The following FLII variants were observed in gnomAD, a reference collection of about 807,000 sequenced individuals.
The protein encoded by FLII is protein flightless-1 homolog.
In FLII, 101 loss-of-function variants were observed where a neutral mutation model predicts 156.2. That is an observed-to-expected ratio of 0.65 (90% confidence interval 0.55 to 0.76). The LOEUF (loss-of-function observed/expected upper bound fraction) is 0.76. FLII is among the 30% of genes least tolerant of loss of function. FLII has a pLI of 0.00. For synonymous variants in FLII, 767 were observed against 685.8 expected (o/e 1.12, Z -1.85); for missense variants, 1,675 against 1,682.8 (o/e 1.00, Z 0.08).
chr17:18,247,577 G>A (rs958397686), intron 20 of FLII, 80 bp downstream of exon 20: 1 of 1,321,488 alleles, frequency 7.6e-7, no homozygotes, highest in African/African-American at 1.5e-5. Flanking sequence ...GCTCTGTAGG[G>A]AGGTAGTGAA....
chr17:18,258,627 C>G lies in FLII; in HGVS notation c.63+1G>C. 1 of 1,558,748 alleles carries G rather than the reference C, an allele frequency of 6.4e-7. No individual in the cohort carries two copies. Among genetic ancestry groups the G allele is most frequent in the Non-Finnish European group, 8.6e-7 (1 of 1,162,322 alleles). On this transcript the variant is annotated splice_donor_variant, in intron 1 of 29. Coordinates refer to ENST00000327031, the MANE Select transcript of FLII (RefSeq NM_002018.4). LOFTEE classifies it high-confidence loss of function. The surrounding 1 kb of genome is among the most constrained non-coding windows in gnomAD (Gnocchi z 4.2). ...CCCGGCACGCGCCCGGCCCGGCTCA[C>G]CTTGAAGTCGTTGCCGCTGAGGTCC...
intron 12 of FLII, 55 bp downstream of exon 12, chr17:18,251,625 G>T: frequency 6.2e-7 from 1 of 1,610,266 alleles, no homozygotes; most frequent in Non-Finnish European, 8.5e-7. Flanking sequence ...GGCCAGGGTC[G>T]GCCTTCAGCA....
At chr17:18,248,071 G>A (rs1567708835) in intron 18 of FLII, 38 bp from the exon 19 acceptor site, 3 of 1,471,818 alleles carry the variant, frequency 2.0e-6, no homozygotes, top group East Asian at 2.3e-5. Flanking sequence ...AAGGGATCTG[G>A]AGACAGGAAC....
chr17:18,249,050 A>AGAG, intron 16 of FLII, 77 bp downstream of exon 16: 1 of 1,428,816 alleles, frequency 7.0e-7, no homozygotes, highest in Non-Finnish European at 9.8e-7. Flanking sequence ...TCCTCTTCTA[A>AGAG]GAGGCCCACA....
Position 18,246,777 on chromosome 17 carries a change from CTCCTTGTCT to C in FLII, c.2859_2867del (p.Asp954_Glu956del), listed in dbSNP as rs2048074873. On this transcript the variant is annotated inframe_deletion, in exon 23 of 30. Coordinates refer to ENST00000327031, the MANE Select transcript of FLII (RefSeq NM_002018.4). ...CGCCTTCTTTGCCCTCGGCCTTCTCCTCCTTGTCTTCCTTCTTTTCCTCCTCCTCGTACT... is the reference window on the plus strand; with the variant it reads ...CGCCTTCTTTGCCCTCGGCCTTCTCCTCCTTCTTTTCCTCCTCCTCGTACT... The C allele has an allele frequency of 6.2e-7, 1 of 1,611,924 alleles. No homozygotes were observed. Among genetic ancestry groups the C allele is most frequent in the Non-Finnish European group, 8.5e-7 (1 of 1,178,880 alleles).
Position 18,246,574 on chromosome 17 carries a change from C to T in FLII, c.3051+20G>A. 2.5e-6 allele frequency: 4 copies of T among 1,613,138 alleles called. No individual in the cohort carries two copies. Among genetic ancestry groups the T allele is most frequent in the Non-Finnish European group, 3.4e-6 (4 of 1,179,446 alleles). ...ACACCCCTCCGCCTGGCCTCGGGCT[C>T]GCGGGGCTGCCAGGCACACCTCCAG... On this transcript the variant is annotated intron_variant, in intron 23 of 29. Transcript: ENST00000327031.
At position 18,258,719 on chromosome 17, in the gene FLII, G is replaced by A; in HGVS notation, c.-29C>T. 1.4e-6 allele frequency: 2 copies of A among 1,405,472 alleles called. No individual in the cohort carries two copies. The highest frequency in any genetic ancestry group is 1.5e-5 in the South Asian group (1 of 66,498). The allele number at this position is 1,405,472 out of a possible 1,614,324, so 87.1% of individuals were successfully genotyped here. ...GCCGCTCTCGCTGCCGGGCCGCGCC[G>A]GGCTAGGGAGCGCCGGGGCGAGGGC... On this transcript the variant is annotated 5_prime_UTR_variant, in exon 1 of 30. Transcript: ENST00000327031. This position sits in a 1 kb window ranked among gnomAD's most constrained non-coding sequence, Gnocchi z 4.2.
chr17:18,246,782 T>G lies in FLII; in HGVS notation c.2863A>C (p.Lys955Gln), dbSNP rs760471288. The G allele has an allele frequency of 1.2e-6, 2 of 1,613,720 alleles. No homozygotes were observed. Among genetic ancestry groups the G allele is most frequent in the Admixed American group, 3.3e-5 (2 of 59,952 alleles). ...TCTTTGCCCTCGGCCTTCTCCTCCT[T>G]GTCTTCCTTCTTTTCCTCCTCCTCG... ...EYEEEEKKED[K>Q]EEKAEGKEGE... Residue 955 changes from lysine (K) to glutamine (Q), a missense_variant, in exon 23 of 30, where the codon AAG (lysine) becomes CAG (glutamine). Transcript: ENST00000327031.
At chr17:18,252,431 G>T in intron 10 of FLII, 41 bp downstream of exon 10, 1 of 1,580,526 alleles carries the variant, frequency 6.3e-7, no homozygotes. Flanking sequence ...CACACCCCTT[G>T]CTTGTCTCTC....
At chr17:18,258,744 C>G, upstream of FLII, 1 of 1,261,010 alleles carries the variant, frequency 7.9e-7, no homozygotes, top group African/African-American at 1.6e-5. This position sits in a 1 kb window ranked among gnomAD's most constrained non-coding sequence, Gnocchi z 4.2. Context: ...GGGGCGAGGG[C>G]GCTGGGGGGA....
At chr17:18,255,789 C>CA (rs1488224084) in intron 3 of FLII, among the ~76,000 whole-genome samples, 2 of 152,260 alleles carry the variant, frequency 1.3e-5, no homozygotes, top group Admixed American at 1.3e-4. Context: ...GCCACTTCTC[C>CA]AGTCTGAATG....
chr17:18,253,764 G>C, intron 7 of FLII, 45 bp from the exon 8 acceptor site: 1 of 1,530,038 alleles, frequency 6.5e-7, no homozygotes, highest in Non-Finnish European at 8.8e-7. Flanking sequence ...CATACACCAG[G>C]TGCCAGGGCA....
In FLII at chr17:18,245,599, C is replaced by A; in HGVS notation, c.3565G>T (p.Asp1189Tyr). Reference sequence around the variant, plus strand: ...AACATGATGTCATCATCTGCCAGGTCATCTTGGCAAAAGTCGGAGCATTTC... The same window carrying A: ...AACATGATGTCATCATCTGCCAGGTAATCTTGGCAAAAGTCGGAGCATTTC... Reference protein sequence around the residue: ...TEKCSDFCQDDLADDDIMLLD... With the variant: ...TEKCSDFCQDYLADDDIMLLD... Residue 1189 changes from aspartate to tyrosine, a missense_variant, in exon 28 of 30, where the codon GAC becomes TAC. Coordinates refer to ENST00000327031, the MANE Select transcript of FLII (RefSeq NM_002018.4). The A allele has an allele frequency of 1.9e-6, 3 of 1,613,944 alleles. No individual in the cohort carries two copies. In the South Asian group the frequency reaches 3.3e-5, roughly 18 times the overall value.
In FLII at chr17:18,247,229, C is replaced by T. The variant is rs1465416259; in HGVS notation, c.2616G>A (p.Gln872=). Residue 872 remains glutamine, a synonymous_variant, in exon 21 of 30, where the codon CAG becomes CAA. Transcript: ENST00000327031. ...AAAGCGCAGTGAGGTCAGCCTTCAT[C>T]TGGTCTTTCTTCTCGGCGTCGCGTT... ...KVKRDAEKKD[Q]MKADLTALFL... 2 of 1,601,910 alleles carry T rather than the reference C, an allele frequency of 1.2e-6. No individual in the cohort carries two copies.
rs759039450 is a variant in FLII at position 18,245,825 on chromosome 17, T to C, written c.3422A>G (p.Glu1141Gly). 1 of 1,613,944 alleles carries C rather than the reference T, an allele frequency of 6.2e-7. No homozygotes were observed. The highest frequency in any genetic ancestry group is 8.5e-7 in the Non-Finnish European group (1 of 1,179,974). Residue 1141 changes from glutamate (E) to glycine (G), a missense_variant, in exon 27 of 30, where the codon GAG becomes GGG. This residue lies in a region of FLII where 1,332 missense variants were observed against 1,269.3 expected (regional missense o/e 1.05). Transcript: ENST00000327031. ...KQVINEGEEPENFFWVGIGAQ... is the reference protein window; with the variant it reads ...KQVINEGEEPGNFFWVGIGAQ... Reference sequence around the variant, plus strand: ...CCCAATGCCCACCCAGAAGAAGTTCTCAGGCTCCTCACCTTCGTTGATAAC... The same window carrying C: ...CCCAATGCCCACCCAGAAGAAGTTCCCAGGCTCCTCACCTTCGTTGATAAC...
Position 18,252,145 on chromosome 17 carries a change from A to G in FLII, c.1100T>C (p.Val367Ala). 1 of 1,612,970 alleles carries G rather than the reference A, an allele frequency of 6.2e-7. No individual in the cohort carries two copies. The highest frequency in any genetic ancestry group is 8.5e-7 in the Non-Finnish European group (1 of 1,179,894). Reference protein sequence around the residue: ...EAIHFLTEIEVLDVRENPNLV... With the variant: ...EAIHFLTEIEALDVRENPNLV... ...GTTGGGGTTCTCCCGCACATCCAGG[A>G]CCTGCCCCATAGGGTGAGCAGAGCC... The change falls in exon 11 of 30, where the codon GTC becomes GCC. Residue 367 changes from valine (V) to alanine (A), a missense_variant and splice_region_variant. By Grantham distance (64) the Val-to-Ala change is moderately conservative. Around this residue, in one of 2 missense-constraint regions of FLII, gnomAD observed 1,332 missense variants for 1,269.3 expected, o/e 1.05. Transcript: ENST00000327031.
At chr17:18,255,739 C>T (rs550369925) in intron 3 of FLII, among the ~76,000 whole-genome samples, 1 of 152,262 alleles carries the variant, frequency 6.6e-6, no homozygotes, top group South Asian at 2.1e-4. Context: ...AGAATGGTGT[C>T]GTGACTCCAA....
chr17:18,249,361 G>C lies in FLII; in HGVS notation c.1824C>G (p.Gly608=). The C allele has an allele frequency of 6.2e-7, 1 of 1,614,116 alleles. No individual in the cohort carries two copies. Among genetic ancestry groups the C allele is most frequent in the South Asian group, 1.1e-5 (1 of 91,078 alleles). Residue 608 remains glycine (G), a synonymous_variant, in exon 15 of 30, where the codon GGC becomes GGG. Coordinates refer to ENST00000327031, the MANE Select transcript of FLII (RefSeq NM_002018.4). The part of the protein sequence containing the change: ...ISYIEGGTAS[G]FYTVEDTHYV... ...AGTGTGTGTCTTCCACAGTGTAGAAGCCACTGGCTGTTCCACCCTCAATGT... is the reference window on the plus strand; with the variant it reads ...AGTGTGTGTCTTCCACAGTGTAGAACCCACTGGCTGTTCCACCCTCAATGT...
At chr17:18,249,033 G>C (rs553704252) in intron 16 of FLII, 94 bp downstream of exon 16, 13 of 1,384,362 alleles carry the variant, frequency 9.4e-6, no homozygotes, top group Non-Finnish European at 1.2e-5. Flanking sequence ...GGAATTGCTA[G>C]AGGGCCTCCT....
Sources: gnomAD v4.1 joint callset for allele counts (sites outside exome capture counted in the v4.1 genomes callset) on GRCh38, gnomAD v4.1.1 for gene constraint, gnomAD v4.1.1 regional missense constraint, Gnocchi (gnomAD v3.1) non-coding constraint, MANE v1.5 for transcripts, NCBI Gene and HGNC (gene_info 2026-07-23, HGNC 2026-07-21) for gene names.